Variants in FANCC observed in about 807,000 individuals in gnomAD.
The protein encoded by FANCC is Fanconi anemia group C protein.
Under a neutral mutation model 71.3 loss-of-function variants are expected in FANCC, and 55 were observed. The observed-to-expected ratio is 0.77, with a 90% confidence interval of 0.62 to 0.97. The LOEUF (loss-of-function observed/expected upper bound fraction) is 0.97. Among genes scored for constraint, FANCC ranks in the 50% least tolerant of loss-of-function variants. The probability of loss-of-function intolerance (pLI) is 0.00; values close to 1 mark genes in which losing one functional copy is unlikely to be tolerated. For missense variants in FANCC, 678 were observed against 670.9 expected (o/e 1.01, Z -0.12); for synonymous variants, 275 against 244.9 (o/e 1.12, Z -1.15).
intron 12 of FANCC, chr9:95,114,302 C>G: frequency 2.7e-6 from 1 of 373,582 alleles, no homozygotes; most frequent in South Asian, 2.2e-5. Flanking sequence ...GGGTTCCCAG[C>G]AGGTGGGTGC....
chr9:95,219,224 G>A (rs1285413373), intron 4 of FANCC, among the ~76,000 whole-genome samples: 1 of 152,170 alleles, frequency 6.6e-6, no homozygotes, highest in Non-Finnish European at 1.5e-5. Flanking sequence ...ATTATGGGCA[G>A]AGAAAAACAG....
chr9:95,147,236 T>C (rs1829684197), intron 7 of FANCC, among the ~76,000 whole-genome samples: 1 of 152,162 alleles, frequency 6.6e-6, no homozygotes, highest in Non-Finnish European at 1.5e-5. Context: ...AAGATGAAAC[T>C]GGCTGGCGCA....
At chr9:95,237,981 T>C (rs1830418014) in intron 4 of FANCC, among the ~76,000 whole-genome samples, 1 of 152,230 alleles carries the variant, frequency 6.6e-6, no homozygotes, top group Non-Finnish European at 1.5e-5. Flanking sequence ...CCTGGAAAGT[T>C]TACCATTATC....
intron 1 of FANCC, among the ~76,000 whole-genome samples, chr9:95,278,796 T>TAAGCGAGC (rs1234109750): frequency 6.6e-6 from 1 of 151,758 alleles, no homozygotes; most frequent in Non-Finnish European, 1.5e-5. Context: ...TCACGGTAAT[T>TAAGCGAGC]ATTCTACGGC....
Position 95,249,355 on chromosome 9 carries a change from C to G in FANCC, c.-64G>C, listed in dbSNP as rs1343004289. 6 of 1,496,004 alleles carry G rather than the reference C, an allele frequency of 4.0e-6. No individual in the cohort carries two copies. The Admixed American group carries it at 1.0e-4, about 25-fold the overall frequency. The allele number at this position is 1,496,004 out of a possible 1,614,324, so 92.7% of individuals were successfully genotyped here. Reference sequence around the variant, plus strand: ...CCTGTCCAGCACTGAAGGAAATGGTCGGCACACATTAAATCTGTAAGAAAG... The same window carrying G: ...CCTGTCCAGCACTGAAGGAAATGGTGGGCACACATTAAATCTGTAAGAAAG... On this transcript the variant is annotated 5_prime_UTR_variant, in exon 2 of 15. Transcript: ENST00000289081.
chr9:95,232,633 C>A (rs910560578), intron 4 of FANCC, among the ~76,000 whole-genome samples: 4 of 152,092 alleles, frequency 2.6e-5, no homozygotes, highest in Admixed American at 6.6e-5. Flanking sequence ...ATGCCCCAAA[C>A]AATGTTATCT....
At chr9:95,177,957 C>T (rs1014019133) in intron 4 of FANCC, among the ~76,000 whole-genome samples, 1 of 152,194 alleles carries the variant, frequency 6.6e-6, no homozygotes, top group African/African-American at 2.4e-5. Flanking sequence ...ATCGGGGAGC[C>T]GTTCAGACTC....
chr9:95,276,460 A>G (rs1280255328), intron 1 of FANCC, among the ~76,000 whole-genome samples: 1 of 152,170 alleles, frequency 6.6e-6, no homozygotes, highest in Non-Finnish European at 1.5e-5. Flanking sequence ...CACATCTTCA[A>G]GACCACTTAT....
At chr9:95,262,080 T>C (rs1564807323) in intron 1 of FANCC, among the ~76,000 whole-genome samples, 1 of 152,026 alleles carries the variant, frequency 6.6e-6, no homozygotes, top group Non-Finnish European at 1.5e-5. Flanking sequence ...TGAACTCAAA[T>C]AGCCATGATA....
intron 3 of FANCC, among the ~76,000 whole-genome samples, chr9:95,241,126 T>C (rs1830603559): frequency 6.6e-6 from 1 of 152,200 alleles, no homozygotes; most frequent in South Asian, 2.1e-4. Flanking sequence ...CATGATCAGT[T>C]TTTTCACATT....
At chr9:95,279,257 G>A (rs1328230791) in intron 1 of FANCC, among the ~76,000 whole-genome samples, 2 of 151,920 alleles carry the variant, frequency 1.3e-5, no homozygotes, top group East Asian at 3.9e-4. Flanking sequence ...GACAGAGGTT[G>A]CAGTGAGCCG....
intron 13 of FANCC, chr9:95,110,665 A>G (rs2071846521): frequency 1.9e-6 from 2 of 1,049,860 alleles, no homozygotes; most frequent in Middle Eastern, 4.4e-4. Flanking sequence ...TTCAAACAAC[A>G]GAAAATGCCA....
intron 1 of FANCC, among the ~76,000 whole-genome samples, chr9:95,272,295 A>T (rs1193250935): frequency 1.3e-5 from 2 of 151,988 alleles, no homozygotes; most frequent in Non-Finnish European, 2.9e-5. Flanking sequence ...TTTATGTACC[A>T]ATTACATTTA....
At chr9:95,235,760 C>T (rs969646323) in intron 4 of FANCC, among the ~76,000 whole-genome samples, 2 of 133,712 alleles carry the variant, frequency 1.5e-5, no homozygotes, top group Non-Finnish European at 3.1e-5. Context: ...AGGAGAGCTG[C>T]TTGAACCCAG....
chr9:95,232,970 G>A (rs954955090), intron 4 of FANCC, among the ~76,000 whole-genome samples: 9 of 152,086 alleles, frequency 5.9e-5, no homozygotes, highest in African/African-American at 1.4e-4. Context: ...CAGCCTTGAC[G>A]GGGCTCATCT....
chr9:95,151,128 C>A (rs542019582), intron 6 of FANCC, among the ~76,000 whole-genome samples: 1 of 152,208 alleles, frequency 6.6e-6, no homozygotes, highest in African/African-American at 2.4e-5. Context: ...CCCTCTTACC[C>A]GTGCTTTACT....
intron 4 of FANCC, among the ~76,000 whole-genome samples, chr9:95,232,625 GC>G (rs1289486741): frequency 6.6e-6 from 1 of 151,766 alleles, no homozygotes; most frequent in East Asian, 1.9e-4. Flanking sequence ...GTTTTTTTAT[GC>G]CCCAAACAAT....
chr9:95,116,083 A>G (rs1047838907), intron 11 of FANCC, among the ~76,000 whole-genome samples: 1 of 152,280 alleles, frequency 6.6e-6, no homozygotes, highest in Middle Eastern at 3.2e-3. Context: ...ACATAAATCT[A>G]CAAGTTACAC....
chr9:95,242,966 T>C (rs1830724352), intron 3 of FANCC, among the ~76,000 whole-genome samples: 1 of 152,328 alleles, frequency 6.6e-6, no homozygotes, highest in East Asian at 1.9e-4. Context: ...CATCTTAGTG[T>C]AAATTTGGAT....
Sources: allele counts gnomAD v4.1 joint callset (sites outside exome capture counted in the v4.1 genomes callset), GRCh38; gene constraint gnomAD v4.1.1; transcripts MANE v1.5; gene names NCBI Gene and HGNC (gene_info 2026-07-23, HGNC 2026-07-21).